Variants in NOTCH2 observed in about 807,000 individuals in gnomAD.
The protein encoded by NOTCH2 is notch receptor 2, also known as neurogenic locus notch homolog protein 2.
Under a neutral mutation model 235.8 loss-of-function variants are expected in NOTCH2, and 29 were observed. The observed-to-expected ratio is 0.12, with a 90% CI of 0.09 to 0.17. The LOEUF (loss-of-function observed/expected upper bound fraction) is 0.17, where lower values mean the gene tolerates loss of function less well. NOTCH2 is among the 10% of genes least tolerant of loss of function. NOTCH2 has a pLI of 1.00. For synonymous variants in NOTCH2, 1,086 were observed against 1,141.5 expected (o/e 0.95, Z 0.98); for missense variants, 2,285 against 3,150.2 (o/e 0.73, Z 6.57).
chr1:119,999,840 C>T (rs1232500571), intron 3 of NOTCH2, among the ~76,000 whole-genome samples: 9 of 149,968 alleles, frequency 6.0e-5, no homozygotes, highest in Middle Eastern at 3.4e-3. Flanking sequence ...CGAGACTGCG[C>T]CACTGTACTA....
intron 2 of NOTCH2, among the ~76,000 whole-genome samples, chr1:120,029,287 G>C (rs868906367): frequency 9.2e-5 from 14 of 151,470 alleles, no homozygotes; most frequent in African/African-American, 3.2e-4. Context: ...ATGTTAAGGG[G>C]AGACTCTAAG....
intron 11 of NOTCH2, among the ~76,000 whole-genome samples, chr1:119,962,203 T>C (rs1650963456): frequency 6.6e-6 from 1 of 152,154 alleles, no homozygotes; most frequent in Non-Finnish European, 1.5e-5. Context: ...CCTGGTATAA[T>C]GATATAATGC....
chr1:119,981,508 G>T (rs943533236), intron 5 of NOTCH2, among the ~76,000 whole-genome samples: 1 of 152,102 alleles, frequency 6.6e-6, no homozygotes, highest in Admixed American at 6.5e-5. Context: ...GTTCCATGGG[G>T]GCTTAGAGAG....
chr1:119,927,569 A>G (rs979192723), intron 23 of NOTCH2, among the ~76,000 whole-genome samples: 5 of 151,836 alleles, frequency 3.3e-5, no homozygotes, highest in African/African-American at 1.2e-4. Flanking sequence ...CACAAACACT[A>G]CTTCCTGGCT....
At chr1:119,968,548 T>C (rs1464653939) in intron 6 of NOTCH2, among the ~76,000 whole-genome samples, 2 of 152,172 alleles carry the variant, frequency 1.3e-5, no homozygotes, top group East Asian at 3.8e-4. Flanking sequence ...GTGTGCCAGA[T>C]TTAGCAAATA....
chr1:120,036,918 A>G (rs1190779087), intron 1 of NOTCH2, among the ~76,000 whole-genome samples: 11 of 152,234 alleles, frequency 7.2e-5, no homozygotes, highest in African/African-American at 2.2e-4. Context: ...TACCAGCTAC[A>G]TATCACTGGC....
chr1:119,987,672 A>G (rs1436599644), intron 4 of NOTCH2, among the ~76,000 whole-genome samples: 2 of 152,150 alleles, frequency 1.3e-5, no homozygotes, highest in African/African-American at 2.4e-5. Context: ...CTCACCTGTA[A>G]AAAATGAGGC....
At chr1:119,975,734 C>T (rs587749848) in intron 5 of NOTCH2, among the ~76,000 whole-genome samples, 1 of 152,002 alleles carries the variant, frequency 6.6e-6, no homozygotes, top group African/African-American at 2.4e-5. Flanking sequence ...AAATAGAAAC[C>T]ATGGCCTGGG....
At chr1:119,961,914 C>CT in intron 11 of NOTCH2, among the ~76,000 whole-genome samples, 1 of 152,324 alleles carries the variant, frequency 6.6e-6, no homozygotes, top group Non-Finnish European at 1.5e-5. Context: ...ACTTCAGACT[C>CT]TATTCATAAT....
intron 33 of NOTCH2, 88 bp downstream of exon 33, chr1:119,917,577 C>A (rs1050677497): frequency 2.6e-5 from 24 of 906,618 alleles, no homozygotes; most frequent in Middle Eastern, 4.3e-4. Flanking sequence ...ATACATATAA[C>A]AAGAGAAGCT....
intron 30 of NOTCH2, 23 bp from the exon 31 acceptor site, chr1:119,919,636 A>G (rs1477060438): frequency 4.3e-6 from 7 of 1,610,656 alleles, no homozygotes; most frequent in South Asian, 2.2e-5. Context: ...AAAATTCCAT[A>G]AAGTACTCAA....
At chr1:119,921,669 C>T (rs2101153293) in intron 29 of NOTCH2, 44 bp downstream of exon 29, 1 of 1,517,770 alleles carries the variant, frequency 6.6e-7, no homozygotes, top group East Asian at 2.3e-5. Flanking sequence ...TGAAATGTAA[C>T]CAGATAATGG....
chr1:119,931,137 GTTCTGTATGTATTCCTGC>G (rs1184499683), intron 22 of NOTCH2, among the ~76,000 whole-genome samples: 1 of 148,712 alleles, frequency 6.7e-6, no homozygotes, highest in Non-Finnish European at 1.5e-5. Context: ...AAAGAAAACA[GTTCTGTATGTATTCCTGC>G]CACTTGCATT....
At chr1:119,974,082 G>C (rs1411987103) in intron 5 of NOTCH2, among the ~76,000 whole-genome samples, 1 of 152,086 alleles carries the variant, frequency 6.6e-6, no homozygotes, top group African/African-American at 2.4e-5. Flanking sequence ...AAGCAGGAGA[G>C]AGCACTAAGT....
At chr1:119,978,876 C>T (rs587690528) in intron 5 of NOTCH2, among the ~76,000 whole-genome samples, 2 of 152,188 alleles carry the variant, frequency 1.3e-5, no homozygotes, top group South Asian at 4.2e-4. Flanking sequence ...TTACTCTGCT[C>T]AGAATGAGTA....
Position 119,922,393 on chromosome 1 carries a change from C to G in NOTCH2, c.5056G>C (p.Val1686Leu), listed in dbSNP as rs749588836. ...AGAATAATAAACAGAATGATGACAA[C>G]AGCAACAGCAAGGAGATAGAGGAGC... The part of the protein sequence containing the change: ...TQLLYLLAVA[V>L]VIILFIILLG... Residue 1686 changes from valine (V) to leucine (L), a missense_variant, in exon 28 of 34, where the codon GTT becomes CTT. Val to Leu is a conservative substitution (Grantham distance 32). Coordinates refer to ENST00000256646, the MANE Select transcript of NOTCH2 (RefSeq NM_024408.4). 3 of 1,614,098 alleles carry G rather than the reference C, an allele frequency of 1.9e-6. No individual in the cohort carries two copies. The highest frequency in any genetic ancestry group is 2.5e-6 in the Non-Finnish European group (3 of 1,179,984).
chr1:120,041,981 A>G (rs1378980699), intron 1 of NOTCH2, among the ~76,000 whole-genome samples: 17 of 147,072 alleles, frequency 1.2e-4, no homozygotes, highest in Admixed American at 6.0e-4. Context: ...GAAAGGAAAG[A>G]AAAGGGAAAG....
At position 119,975,245 on chromosome 1, in the gene NOTCH2, C is replaced by T. The variant is rs1026981088; in HGVS notation, c.875-5501G>A. 9.9e-5 allele frequency among the ~76,000 whole-genome samples: 15 copies of T among 152,248 alleles called. No individual in the cohort carries two copies. In the South Asian group the frequency reaches 2.9e-3, roughly 29 times the overall value. On this transcript the variant is annotated intron_variant, in intron 5 of 33. Transcript: ENST00000256646. ...AAGATGACATGGCATTACCAAGCCACCATTAGCAAAGGAAGTATACTGTTT... is the reference window on the plus strand; with the variant it reads ...AAGATGACATGGCATTACCAAGCCATCATTAGCAAAGGAAGTATACTGTTT...
intron 17 of NOTCH2, among the ~76,000 whole-genome samples, chr1:119,944,015 C>T (rs1553196775): frequency 6.6e-6 from 1 of 151,810 alleles, no homozygotes; most frequent in African/African-American, 2.4e-5. Flanking sequence ...AAAATAACTT[C>T]AAATAGTAAA....
Sources: allele counts gnomAD v4.1 joint callset (sites outside exome capture counted in the v4.1 genomes callset), GRCh38; gene constraint gnomAD v4.1.1; transcripts MANE v1.5; gene names NCBI Gene and HGNC (gene_info 2026-07-23, HGNC 2026-07-21).